CDC42BPB: variants seen among roughly 807,000 people sequenced by gnomAD.
CDC42BPB encodes the protein serine/threonine-protein kinase MRCK beta.
Under a neutral mutation model 214.9 loss-of-function variants are expected in CDC42BPB, and 37 were observed. That is an observed-to-expected ratio of 0.17 (90% CI 0.13 to 0.23). CDC42BPB has a LOEUF of 0.23. Among genes scored for constraint, CDC42BPB ranks in the 10% least tolerant of loss-of-function variants. The pLI is 1.00. For synonymous variants in CDC42BPB, 931 were observed against 884.0 expected (o/e 1.05, Z -0.94); for missense variants, 1,694 against 2,227.0 (o/e 0.76, Z 4.82).
chr14:102,948,080 C>T (rs528355785), intron 26 of CDC42BPB: 6 of 540,000 alleles, frequency 1.1e-5, no homozygotes, highest in African/African-American at 9.2e-5. Context: ...ACAGAAGACT[C>T]GGTTTGCACT....
At chr14:102,941,711 G>C in intron 30 of CDC42BPB, 1 of 279,960 alleles carries the variant, frequency 3.6e-6, no homozygotes, top group Non-Finnish European at 5.4e-6. Context: ...AAGAACATGG[G>C]CTCTGGAGCC....
chr14:102,946,818 A>T, intron 27 of CDC42BPB, 134 bp from the exon 28 acceptor site: 1 of 1,455,118 alleles, frequency 6.9e-7, no homozygotes, highest in Non-Finnish European at 9.0e-7. Flanking sequence ...GGGACCCCTG[A>T]CTCCACCTCG....
chr14:102,932,598 G>GC lies in CDC42BPB; in HGVS notation c.*1113_*1114insG. The GC allele has an allele frequency of 6.6e-6, 1 of 152,520 alleles. No individual in the cohort carries two copies. Among genetic ancestry groups the GC allele is most frequent in the South Asian group, 2.1e-4 (1 of 4,808 alleles). The allele number at this position is 152,520 out of a possible 1,614,324, so 9.4% of individuals were successfully genotyped here. ...GCCGACTTGGGGAAGTGCACGTCCTGAACAGCCTTGCCAAGCAGCCGACCG... is the reference window on the plus strand; with the variant it reads ...GCCGACTTGGGGAAGTGCACGTCCTGCAACAGCCTTGCCAAGCAGCCGACCG... On this transcript the variant is annotated 3_prime_UTR_variant, in exon 37 of 37. Transcript: ENST00000361246.
intron 6 of CDC42BPB, 60 bp from the exon 7 acceptor site, chr14:102,983,816 A>G: frequency 6.4e-7 from 1 of 1,552,882 alleles, no homozygotes; most frequent in Non-Finnish European, 8.7e-7. Context: ...CATATTTCCA[A>G]CTACTTTCTC....
intron 7 of CDC42BPB, among the ~76,000 whole-genome samples, chr14:102,983,197 C>T (rs929789791): frequency 5.3e-5 from 8 of 152,160 alleles, no homozygotes; most frequent in Non-Finnish European, 1.0e-4. Context: ...TGGCTACCCC[C>T]GGGCGCCTCA....
chr14:103,052,664 G>A (rs1005933416), intron 1 of CDC42BPB, among the ~76,000 whole-genome samples: 1 of 152,144 alleles, frequency 6.6e-6, no homozygotes, highest in Admixed American at 6.5e-5. Context: ...TTCTATTCAT[G>A]AAGAGGAAGC....
At chr14:102,953,142 G>A (rs564312977) in intron 23 of CDC42BPB, among the ~76,000 whole-genome samples, 4 of 152,372 alleles carry the variant, frequency 2.6e-5, no homozygotes, top group Admixed American at 6.5e-5. Flanking sequence ...ACAGAGGGTC[G>A]TGGTGCAGGC....
intron 6 of CDC42BPB, among the ~76,000 whole-genome samples, chr14:102,985,385 G>T (rs1322524430): frequency 6.7e-6 from 1 of 148,208 alleles, no homozygotes; most frequent in African/African-American, 2.5e-5. Context: ...TTGTTATACC[G>T]TGACAGGGTG....
At chr14:103,051,155 G>T (rs1419428329) in intron 1 of CDC42BPB, among the ~76,000 whole-genome samples, 2 of 146,700 alleles carry the variant, frequency 1.4e-5, no homozygotes, top group Non-Finnish European at 3.0e-5. Context: ...TATTTGGGGC[G>T]GGGGGGCGGG....
intron 1 of CDC42BPB, among the ~76,000 whole-genome samples, chr14:103,029,036 A>G (rs1444942875): frequency 1.3e-5 from 2 of 152,230 alleles, no homozygotes; most frequent in Non-Finnish European, 2.9e-5. Context: ...TAAATTGAAT[A>G]GTCAATATGT....
intron 3 of CDC42BPB, among the ~76,000 whole-genome samples, chr14:103,007,307 G>C (rs1329088394): frequency 2.6e-5 from 4 of 152,110 alleles, no homozygotes; most frequent in African/African-American, 9.7e-5. Flanking sequence ...GCGGGGGAGG[G>C]AAAAGCCAGA....
chr14:102,978,294 A>T, intron 8 of CDC42BPB, 89 bp from the exon 9 acceptor site: 1 of 1,579,158 alleles, frequency 6.3e-7, no homozygotes, highest in Non-Finnish European at 8.6e-7. Flanking sequence ...TGGTGACAGG[A>T]GGCACTGGGC....
rs966761621 is a variant in CDC42BPB, at chr14:102,944,800, C to G, written c.3812-313G>C. The G allele has an allele frequency of 1.5e-5, 6 of 394,944 alleles. No homozygotes were observed. In the Admixed American group the frequency reaches 1.9e-4, roughly 13 times the overall value. 24.5% of individuals were successfully genotyped at this position (394,944 alleles called of 1,614,324 possible). A position where few individuals can be genotyped will look rare whatever the true frequency, so the allele number is the denominator to read the frequency against. On this transcript the variant is annotated intron_variant, in intron 29 of 36. Coordinates refer to ENST00000361246, the MANE Select transcript of CDC42BPB (RefSeq NM_006035.4). This position sits in a 1 kb window ranked among gnomAD's most constrained non-coding sequence, Gnocchi z 6.6. The stretch of plus-strand genomic sequence containing the variant: ...CCAGGGCTCCAGCTGGGCAGCGCTT[C>G]CACCTGGGTCCTCGCGCAGCAAGGC...
chr14:102,999,451 A>C (rs1894882461), intron 5 of CDC42BPB, 114 bp downstream of exon 5: 1 of 976,222 alleles, frequency 1.0e-6, no homozygotes, highest in Non-Finnish European at 1.6e-6. Context: ...GGCAGCTCAA[A>C]GTGGGGACTC....
At chr14:103,014,555 TC>T (rs1208931673) in intron 1 of CDC42BPB, among the ~76,000 whole-genome samples, 1 of 152,166 alleles carries the variant, frequency 6.6e-6, no homozygotes. Context: ...ATCTGACACT[TC>T]CTGGGCTTCT....
intron 5 of CDC42BPB, among the ~76,000 whole-genome samples, chr14:102,997,245 A>C (rs913024077): frequency 6.6e-6 from 1 of 152,156 alleles, no homozygotes; most frequent in Non-Finnish European, 1.5e-5. Flanking sequence ...GAAGACACAG[A>C]CACATGTGAT....
intron 1 of CDC42BPB, among the ~76,000 whole-genome samples, chr14:103,018,857 T>C (rs566609536): frequency 2.3e-4 from 35 of 152,026 alleles, no homozygotes; most frequent in Non-Finnish European, 5.1e-4. Flanking sequence ...TGGGGAGAGG[T>C]GAGGCGTGAG....
At chr14:102,996,746 A>C (rs562148715) in intron 5 of CDC42BPB, among the ~76,000 whole-genome samples, 1 of 149,036 alleles carries the variant, frequency 6.7e-6, no homozygotes, top group Admixed American at 6.7e-5. Context: ...TGGGAGGTGG[A>C]GATTATAGTG....
At chr14:102,937,256 C>G (rs1213352883) in intron 36 of CDC42BPB, 1 of 152,574 alleles carries the variant, frequency 6.6e-6, no homozygotes, top group Admixed American at 6.5e-5. Flanking sequence ...GTGCTTGCTA[C>G]AAAAATGTGA....
Sources: gnomAD v4.1 joint callset for allele counts (sites outside exome capture counted in the v4.1 genomes callset) on GRCh38, gnomAD v4.1.1 for gene constraint, Gnocchi (gnomAD v3.1) non-coding constraint, MANE v1.5 for transcripts, NCBI Gene and HGNC (gene_info 2026-07-23, HGNC 2026-07-21) for gene names.